SUPT5H: variants seen among roughly 807,000 people sequenced by gnomAD.
SUPT5H encodes the protein transcription elongation factor SPT5.
In SUPT5H, 24 loss-of-function variants were observed where a neutral mutation model predicts 142.5. The observed-to-expected ratio is 0.17, with a 90% CI of 0.12 to 0.24. SUPT5H has a LOEUF of 0.24. Ranked by LOEUF, SUPT5H falls within the 10% of genes least tolerant of loss-of-function variation. The probability of loss-of-function intolerance (pLI) is 1.00; values close to 1 mark genes in which losing one functional copy is unlikely to be tolerated. For missense variants in SUPT5H, 893 were observed against 1,471.8 expected, an observed-to-expected ratio of 0.61 and a Z score of 6.43; for synonymous variants, 546 against 553.0, an observed-to-expected ratio of 0.99 and a Z score of 0.18.
Position 39,458,252 on chromosome 19 carries a change from ACC to A in SUPT5H, c.308-41_308-40del. 1.3e-6 allele frequency: 1 copy of A among 761,952 alleles called. No homozygotes were observed. The highest frequency in any genetic ancestry group is 2.1e-6 in the Non-Finnish European group (1 of 481,850). 47.2% of individuals were successfully genotyped at this position (761,952 alleles called of 1,614,324 possible). On this transcript the variant is annotated intron_variant, in intron 4 of 29. Transcript: ENST00000432763. The surrounding 1 kb of genome is among the most constrained non-coding windows in gnomAD (Gnocchi z 4.2). ...CTCGCCCACCACCACCACCACCACC[ACC>A]ACCACCACCACCACCACCACCTCCT...
chr19:39,463,885 AT>A (rs2079198602), intron 10 of SUPT5H, among the ~76,000 whole-genome samples: 1 of 151,058 alleles, frequency 6.6e-6, no homozygotes, highest in African/African-American at 2.4e-5. Context: ...TGACCTTTTT[AT>A]TGTTACAAAA....
Position 39,466,445 on chromosome 19 carries a change from T to C in SUPT5H, c.877-35T>C, listed in dbSNP as rs776722882. 4.4e-6 allele frequency: 7 copies of C among 1,591,472 alleles called. No homozygotes were observed. In the South Asian group the frequency reaches 7.7e-5, roughly 18 times the overall value. On this transcript the variant is annotated intron_variant, in intron 11 of 29. Coordinates refer to ENST00000432763, the MANE Select transcript of SUPT5H (RefSeq NM_001111020.3). The surrounding 1 kb of genome is among the most constrained non-coding windows in gnomAD (Gnocchi z 4.3). ...TTGTGTCTGGGGTCAGGGAGGAGAG[T>C]GGGGCCCTGCTGACCTTCTGCTCGC...
In SUPT5H at chr19:39,472,935, C is replaced by A. The variant is rs187490785; in HGVS notation, c.2155+6C>A. ...CTCCCAGGGGCCCTACAAAGGTGAC[C>A]TGCGAGGCCTGTGGAGGCCTGGGGA... On this transcript the variant is annotated splice_donor_region_variant and intron_variant, in intron 22 of 29. Coordinates refer to ENST00000432763, the MANE Select transcript of SUPT5H (RefSeq NM_001111020.3). This position sits in a 1 kb window ranked among gnomAD's most constrained non-coding sequence, Gnocchi z 4.2. The A allele has an allele frequency of 3.1e-5, 50 of 1,612,416 alleles. No individual in the cohort carries two copies. The East Asian group carries it at 9.1e-4, about 29-fold the overall frequency.
intron 3 of SUPT5H, among the ~76,000 whole-genome samples, chr19:39,454,651 A>T (rs890576150): frequency 1.3e-5 from 2 of 152,098 alleles, no homozygotes; most frequent in South Asian, 2.1e-4. Flanking sequence ...CACTTTTTTT[A>T]AAAAAAGATT....
rs889464230 is a variant in SUPT5H, at chr19:39,466,240, C to G, written c.877-240C>G. ...GGGGAATCAGCGGTTTGGCTGCGGTCGTCCTGGATTTGAGGGACCTTTAGA... is the reference window on the plus strand; with the variant it reads ...GGGGAATCAGCGGTTTGGCTGCGGTGGTCCTGGATTTGAGGGACCTTTAGA... On this transcript the variant is annotated intron_variant, in intron 11 of 29. Transcript: ENST00000432763. This position sits in a 1 kb window ranked among gnomAD's most constrained non-coding sequence, Gnocchi z 4.3. 6.6e-6 allele frequency among the ~76,000 whole-genome samples: 1 copy of G among 152,090 alleles called. No individual in the cohort carries two copies. Among genetic ancestry groups the G allele is most frequent in the Non-Finnish European group, 1.5e-5 (1 of 68,016 alleles).
chr19:39,446,470 C>T (rs952258801), intron 2 of SUPT5H, among the ~76,000 whole-genome samples: 1 of 152,160 alleles, frequency 6.6e-6, no homozygotes, highest in Non-Finnish European at 1.5e-5. Context: ...ATAGGGTCAT[C>T]AGCATGAGTC....
chr19:39,459,216 A>G lies in SUPT5H; in HGVS notation c.491A>G (p.Asp164Gly). 1.3e-6 allele frequency: 2 copies of G among 1,572,900 alleles called. No homozygotes were observed. Among genetic ancestry groups the G allele is most frequent in the Admixed American group, 1.9e-5 (1 of 52,428 alleles). Reference protein sequence around the residue: ...VYGGSDELSDDITQQQLLPGV... With the variant: ...VYGGSDELSDGITQQQLLPGV... ...GGAGGATCTGATGAGCTCTCAGACG[A>G]CATCACCCAGCAGCAGCTGCTCCCA... Residue 164 changes from aspartate (D) to glycine (G), a missense_variant, in exon 8 of 30, where the codon GAC becomes GGC. Physicochemically the swap from Asp to Gly is moderately conservative, Grantham distance 94. This residue lies in a region of SUPT5H where 428 missense variants were observed against 763.5 expected (regional missense o/e 0.56). Transcript: ENST00000432763.
In SUPT5H at chr19:39,473,936, G is replaced by A. The variant is rs767274124; in HGVS notation, c.2493-27G>A. On this transcript the variant is annotated intron_variant, in intron 25 of 29. Coordinates refer to ENST00000432763, the MANE Select transcript of SUPT5H (RefSeq NM_001111020.3). This position sits in a 1 kb window ranked among gnomAD's most constrained non-coding sequence, Gnocchi z 5.8. Reference sequence around the variant, plus strand: ...CATCCATCGCATTATCACCACAGTCGCTGTCAACAGACTTTTCTCCCAACA... The same window carrying A: ...CATCCATCGCATTATCACCACAGTCACTGTCAACAGACTTTTCTCCCAACA... 43 of 1,613,516 alleles carry A rather than the reference G, an allele frequency of 2.7e-5. No homozygotes were observed. The Admixed American group carries it at 4.0e-4, about 15-fold the overall frequency.
In SUPT5H at chr19:39,470,385, G is replaced by A; in HGVS notation, c.1539G>A (p.Val513=). Residue 513 remains valine (V), a synonymous_variant, in exon 18 of 30, where the codon GTG becomes GTA. Transcript: ENST00000432763. The surrounding 1 kb of genome is among the most constrained non-coding windows in gnomAD (Gnocchi z 5.8). Reference sequence around the variant, plus strand: ...TTCACCATCCCTGGCAGCTGAAGGTGCTCCCCCGGGACCTGCAGCTCTGCT... The same window carrying A: ...TTCACCATCCCTGGCAGCTGAAGGTACTCCCCCGGGACCTGCAGCTCTGCT... ...FSDLTMHELK[V]LPRDLQLCSE... 6.4e-7 allele frequency: 1 copy of A among 1,568,018 alleles called. No individual in the cohort carries two copies. The highest frequency in any genetic ancestry group is 8.7e-7 in the Non-Finnish European group (1 of 1,154,530).
chr19:39,476,414 G>A lies in SUPT5H; in HGVS notation c.*15G>A, dbSNP rs1291022174. ...TGGAAGCCTGAAGCAGGCAGGGCCGGTGGACTTCGTCGGATGAAGAGTGAT... is the reference window on the plus strand; with the variant it reads ...TGGAAGCCTGAAGCAGGCAGGGCCGATGGACTTCGTCGGATGAAGAGTGAT... On this transcript the variant is annotated 3_prime_UTR_variant, in exon 30 of 30. Coordinates refer to ENST00000432763, the MANE Select transcript of SUPT5H (RefSeq NM_001111020.3). The A allele has an allele frequency of 1.9e-6, 3 of 1,613,730 alleles. No homozygotes were observed. Among genetic ancestry groups the A allele is most frequent in the Non-Finnish European group, 2.5e-6 (3 of 1,179,996 alleles).
In SUPT5H at chr19:39,472,642, C is replaced by T; in HGVS notation, c.2035+149C>T. The T allele has an allele frequency of 2.2e-6, 3 of 1,382,660 alleles. No individual in the cohort carries two copies. Among genetic ancestry groups the T allele is most frequent in the Admixed American group, 4.5e-5 (2 of 44,344 alleles). The allele number at this position is 1,382,660 out of a possible 1,614,324, so 85.6% of individuals were successfully genotyped here. ...CACAGGAGGGTAGACGCCACAGTGACAGCCCAGAATGGTCAGGGCTTCCAT... is the reference window on the plus strand; with the variant it reads ...CACAGGAGGGTAGACGCCACAGTGATAGCCCAGAATGGTCAGGGCTTCCAT... On this transcript the variant is annotated intron_variant, in intron 21 of 29. Transcript: ENST00000432763. The surrounding 1 kb of genome is among the most constrained non-coding windows in gnomAD (Gnocchi z 4.2).
At position 39,472,257 on chromosome 19, in the gene SUPT5H, G is replaced by T. The variant is rs986704143; in HGVS notation, c.1951-152G>T. On this transcript the variant is annotated intron_variant, in intron 20 of 29. Transcript: ENST00000432763. This position sits in a 1 kb window ranked among gnomAD's most constrained non-coding sequence, Gnocchi z 4.2. ...GCCCTGAGGTGGGGCTTGTAGGAAA[G>T]TGTGCAGGACCAGCTGTCACAGAGG... The T allele has an allele frequency of 5.7e-6, 4 of 695,688 alleles. No homozygotes were observed. In the African/African-American group the frequency reaches 7.1e-5, roughly 12 times the overall value. The allele number at this position is 695,688 out of a possible 1,614,324, so 43.1% of individuals were successfully genotyped here. A position where few individuals can be genotyped will look rare whatever the true frequency, so the allele number is the denominator to read the frequency against.
In SUPT5H at chr19:39,460,027, A is replaced by G. The variant is rs186481492; in HGVS notation, c.624+67A>G. The G allele has an allele frequency of 3.7e-5, 57 of 1,542,906 alleles. No individual in the cohort carries two copies. In the African/African-American group the frequency reaches 5.6e-4, roughly 15 times the overall value. On this transcript the variant is annotated intron_variant, in intron 10 of 29. Transcript: ENST00000432763. ...ACACCCAGAGGGAAGAACATTGTCA[A>G]CTTCAGGGGTACCAGGTGCCTCTGT...
At position 39,466,288 on chromosome 19, in the gene SUPT5H, A is replaced by C. The variant is rs2079234753; in HGVS notation, c.877-192A>C. 6.6e-6 allele frequency among the ~76,000 whole-genome samples: 1 copy of C among 152,186 alleles called. No individual in the cohort carries two copies. Among genetic ancestry groups the C allele is most frequent in the South Asian group, 2.1e-4 (1 of 4,832 alleles). On this transcript the variant is annotated intron_variant, in intron 11 of 29. Coordinates refer to ENST00000432763, the MANE Select transcript of SUPT5H (RefSeq NM_001111020.3). This position sits in a 1 kb window ranked among gnomAD's most constrained non-coding sequence, Gnocchi z 4.3. ...AGACATCCAGGTGGAGATACCAAGC[A>C]GGCAGTGGCTACTCAGTGCCAGAGT... is the stretch of plus-strand genomic sequence containing the variant.
At position 39,459,177 on chromosome 19, in the gene SUPT5H, C is replaced by A. The variant is rs776242547; in HGVS notation, c.459-7C>A. On this transcript the variant is annotated splice_region_variant and splice_polypyrimidine_tract_variant and intron_variant, in intron 7 of 29. Coordinates refer to ENST00000432763, the MANE Select transcript of SUPT5H (RefSeq NM_001111020.3). ...TCACCCCTTCCTGACTGCCCTCCTCCCTTCAGGGTGTATGGAGGATCTGAT... is the reference window on the plus strand; with the variant it reads ...TCACCCCTTCCTGACTGCCCTCCTCACTTCAGGGTGTATGGAGGATCTGAT... 1 of 1,601,452 alleles carries A rather than the reference C, an allele frequency of 6.2e-7. No homozygotes were observed. Among genetic ancestry groups the A allele is most frequent in the Non-Finnish European group, 8.5e-7 (1 of 1,173,738 alleles).
intron 3 of SUPT5H, among the ~76,000 whole-genome samples, chr19:39,456,523 AT>A (rs2079092738): frequency 6.6e-6 from 1 of 151,092 alleles, no homozygotes; most frequent in Admixed American, 6.6e-5. Flanking sequence ...GGTTCAAGCA[AT>A]TCTCTGCCTC....
chr19:39,475,549 C>G (rs2079393355), intron 28 of SUPT5H, among the ~76,000 whole-genome samples: 1 of 152,004 alleles, frequency 6.6e-6, no homozygotes, highest in Non-Finnish European at 1.5e-5. Context: ...ATGGAATTCT[C>G]CATCAGTGAT....
Position 39,472,886 on chromosome 19 carries a change from A to G in SUPT5H, c.2112A>G (p.Glu704=), listed in dbSNP as rs1299334159. 6.2e-7 allele frequency: 1 copy of G among 1,613,616 alleles called. No homozygotes were observed. Among genetic ancestry groups the G allele is most frequent in the Non-Finnish European group, 8.5e-7 (1 of 1,179,844 alleles). Residue 704 remains glutamate, a synonymous_variant, in exon 22 of 30, where the codon GAA becomes GAG. Transcript: ENST00000432763. This position sits in a 1 kb window ranked among gnomAD's most constrained non-coding sequence, Gnocchi z 4.2. Reference sequence around the variant, plus strand: ...GGGGCCGGGGCCGGAGGGACAACGAACTCATCGGCCAGACCGTGCGCATCT... The same window carrying G: ...GGGGCCGGGGCCGGAGGGACAACGAGCTCATCGGCCAGACCGTGCGCATCT... ...MSRGRGRRDN[E]LIGQTVRISQ... is the part of the protein sequence containing the mutation.
Position 39,469,608 on chromosome 19 carries a change from G to A in SUPT5H, c.1374+210G>A, listed in dbSNP as rs2079290795. On this transcript the variant is annotated intron_variant, in intron 16 of 29. Transcript: ENST00000432763. The surrounding 1 kb of genome is among the most constrained non-coding windows in gnomAD (Gnocchi z 5.1). ...GCCTGCCTGGTGGTGTCTGTCTCTG[G>A]AGAGTGACTTGGTCTATCTTTTGTT... 1 of 655,604 alleles carries A rather than the reference G, an allele frequency of 1.5e-6. No homozygotes were observed. Among genetic ancestry groups the A allele is most frequent in the South Asian group, 1.9e-5 (1 of 52,636 alleles). 40.6% of individuals were successfully genotyped at this position (655,604 alleles called of 1,614,324 possible). A position where few individuals can be genotyped will look rare whatever the true frequency, so the allele number is the denominator to read the frequency against.
Sources: gnomAD v4.1 joint callset for allele counts (sites outside exome capture counted in the v4.1 genomes callset) on GRCh38, gnomAD v4.1.1 for gene constraint, gnomAD v4.1.1 regional missense constraint, Gnocchi (gnomAD v3.1) non-coding constraint, MANE v1.5 for transcripts, NCBI Gene and HGNC (gene_info 2026-07-23, HGNC 2026-07-21) for gene names.